Variants in RAPGEF5 observed in about 807,000 individuals in gnomAD.
The protein encoded by RAPGEF5 is M-Ras-regulated GEF.
In RAPGEF5, 65 loss-of-function variants were observed where a neutral mutation model predicts 125.2. That is an observed-to-expected ratio of 0.52 (90% CI 0.43 to 0.64). The LOEUF (loss-of-function observed/expected upper bound fraction) is 0.64. RAPGEF5 is among the 30% of genes least tolerant of loss of function. The pLI is 0.00. For missense variants in RAPGEF5, 958 were observed against 1,048.1 expected (o/e 0.91, Z 1.19); for synonymous variants, 391 against 385.9 (o/e 1.01, Z -0.16).
chr7:22,212,520 C>T (rs1438689902), intron 9 of RAPGEF5, among the ~76,000 whole-genome samples: 1 of 152,202 alleles, frequency 6.6e-6, no homozygotes, highest in East Asian at 1.9e-4. Context: ...GGCAGTCCTT[C>T]AGGAACCAAG....
At chr7:22,187,111 G>T (rs1297563605) in intron 11 of RAPGEF5, among the ~76,000 whole-genome samples, 3 of 152,170 alleles carry the variant, frequency 2.0e-5, no homozygotes, top group Admixed American at 6.5e-5. Flanking sequence ...GCAGTAACAT[G>T]AAGTTAGACC....
At chr7:22,162,728 G>T (rs192867726) in intron 12 of RAPGEF5, among the ~76,000 whole-genome samples, 187 bp from the exon 13 acceptor site, 7 of 152,336 alleles carry the variant, frequency 4.6e-5, no homozygotes, top group Admixed American at 4.6e-4. Context: ...GAAAATGACT[G>T]AAGTATACTC....
At chr7:22,258,036 T>C (rs1169505107) in intron 7 of RAPGEF5, among the ~76,000 whole-genome samples, 1 of 152,216 alleles carries the variant, frequency 6.6e-6, no homozygotes, top group Non-Finnish European at 1.5e-5. Flanking sequence ...AATTTGTCCA[T>C]GTGGAAAATC....
intron 3 of RAPGEF5, 39 bp from the exon 4 acceptor site, chr7:22,310,129 G>A: frequency 6.8e-7 from 1 of 1,462,168 alleles, no homozygotes; most frequent in Non-Finnish European, 9.0e-7. Context: ...AGATATTGCT[G>A]ACATCCGTTT....
chr7:22,347,942 A>T (rs1188386004), intron 1 of RAPGEF5, among the ~76,000 whole-genome samples: 3 of 152,228 alleles, frequency 2.0e-5, no homozygotes, highest in Non-Finnish European at 4.4e-5. Context: ...AATGATTTCC[A>T]ATTCAACACC....
Position 22,308,349 on chromosome 7 carries a change from T to C in RAPGEF5, c.670A>G (p.Ile224Val). 4 of 1,587,048 alleles carry C rather than the reference T, an allele frequency of 2.5e-6. No individual in the cohort carries two copies. The highest frequency in any genetic ancestry group is 2.3e-5 in the East Asian group (1 of 44,098). ...AGAGCATCTACTTACAGTTCACAGA[T>C]GCCACCTCTGGCAGGAATGAGAGGC... ...LVPLIPARGG[I>V]CELSHQKIED... Residue 224 changes from isoleucine (I) to valine (V), a missense_variant, in exon 5 of 26, where the codon ATC (isoleucine) becomes GTC (valine). Ile to Val is a conservative substitution (Grantham distance 29). Transcript: ENST00000665637.
At chr7:22,283,964 C>T (rs1038477120) in intron 6 of RAPGEF5, among the ~76,000 whole-genome samples, 1 of 152,078 alleles carries the variant, frequency 6.6e-6, no homozygotes, top group Non-Finnish European at 1.5e-5. Context: ...CAAAACCAAA[C>T]TCTCAGGGCT....
chr7:22,324,538 A>C (rs1172996757), intron 1 of RAPGEF5, among the ~76,000 whole-genome samples: 1 of 152,210 alleles, frequency 6.6e-6, no homozygotes, highest in Non-Finnish European at 1.5e-5. Context: ...TGATGCTTAT[A>C]AGTGAACTCC....
intron 20 of RAPGEF5, among the ~76,000 whole-genome samples, chr7:22,140,753 T>C (rs937429425): frequency 6.6e-6 from 1 of 152,174 alleles, no homozygotes; most frequent in East Asian, 1.9e-4. Context: ...GCCCAGAGAC[T>C]TAACTGGTCA....
intron 1 of RAPGEF5, among the ~76,000 whole-genome samples, chr7:22,345,318 T>C (rs1292231841): frequency 1.3e-5 from 2 of 152,166 alleles, no homozygotes; most frequent in South Asian, 2.1e-4. Flanking sequence ...ACCAGTAAGA[T>C]CTCTTTCAGC....
intron 15 of RAPGEF5, 132 bp from the exon 16 acceptor site, chr7:22,157,020 G>A (rs929029809): frequency 3.5e-6 from 5 of 1,421,586 alleles, no homozygotes; most frequent in Admixed American, 5.1e-5. Context: ...TCCAATCTTA[G>A]AGAAATAAAC....
intron 25 of RAPGEF5, among the ~76,000 whole-genome samples, chr7:22,122,989 T>A (rs1323910596): frequency 4.6e-5 from 7 of 152,196 alleles, no homozygotes; most frequent in Admixed American, 4.6e-4. Flanking sequence ...ATGAATGCAA[T>A]CACTCTTTTT....
chr7:22,349,135 C>G (rs987413320), intron 1 of RAPGEF5, among the ~76,000 whole-genome samples: 13 of 148,268 alleles, frequency 8.8e-5, no homozygotes, highest in African/African-American at 2.7e-4. Flanking sequence ...TTCCACAGAT[C>G]AGTAGGGGCC....
At chr7:22,164,188 G>A (rs1784090945) in intron 12 of RAPGEF5, among the ~76,000 whole-genome samples, 1 of 152,070 alleles carries the variant, frequency 6.6e-6, no homozygotes, top group African/African-American at 2.4e-5. Context: ...AAAATTAACT[G>A]GGTATGGTGA....
At chr7:22,253,059 G>A (rs376570811) in intron 7 of RAPGEF5, among the ~76,000 whole-genome samples, 6 of 152,112 alleles carry the variant, frequency 3.9e-5, no homozygotes, top group African/African-American at 1.4e-4. Context: ...TTGTCAGCAA[G>A]CAGGGACAGA....
intron 11 of RAPGEF5, among the ~76,000 whole-genome samples, chr7:22,179,003 T>C (rs922977412): frequency 4.6e-5 from 7 of 152,182 alleles, no homozygotes; most frequent in African/African-American, 1.7e-4. Flanking sequence ...TAGAAACTCT[T>C]GTGTTAAGAA....
chr7:22,354,960 C>T lies in RAPGEF5; in HGVS notation c.231+1870G>A, dbSNP rs190460386. Among the ~76,000 whole-genome samples the T allele has an allele frequency of 3.3e-5, 5 of 152,322 alleles. 1 individual carries two copies. Among genetic ancestry groups the T allele is most frequent in the African/African-American group, 1.2e-4 (5 of 41,554 alleles). On this transcript the variant is annotated intron_variant, in intron 1 of 25. Coordinates refer to ENST00000665637, the MANE Select transcript of RAPGEF5 (RefSeq NM_012294.5). ...TCACTTGTTTTTCTCCTTCTTTCAA[C>T]CCCCTTCCTACTCCTTTGATGGGGA...
Position 22,192,860 on chromosome 7 carries a change from G to T in RAPGEF5, c.1204+507C>A, listed in dbSNP as rs569118069. On this transcript the variant is annotated intron_variant, in intron 11 of 25. Coordinates refer to ENST00000665637, the MANE Select transcript of RAPGEF5 (RefSeq NM_012294.5). Reference sequence around the variant, plus strand: ...TGTGAGTATCATAGTCTGCACCTCGGGGCTTGTTCTGACCAGGCAGTTTGT... The same window carrying T: ...TGTGAGTATCATAGTCTGCACCTCGTGGCTTGTTCTGACCAGGCAGTTTGT... 1.7e-4 allele frequency: 28 copies of T among 164,382 alleles called. No individual in the cohort carries two copies. The South Asian group carries it at 4.6e-3, about 27-fold the overall frequency. The allele number at this position is 164,382 out of a possible 1,614,324, so 10.2% of individuals were successfully genotyped here.
intron 1 of RAPGEF5, among the ~76,000 whole-genome samples, chr7:22,327,084 A>G (rs1490833354): frequency 2.0e-5 from 3 of 152,344 alleles, no homozygotes; most frequent in Non-Finnish European, 2.9e-5. Context: ...GGAATTTTCA[A>G]TCTATAAATA....
Sources: gnomAD v4.1 joint callset for allele counts (sites outside exome capture counted in the v4.1 genomes callset) on GRCh38, gnomAD v4.1.1 for gene constraint, MANE v1.5 for transcripts, NCBI Gene and HGNC (gene_info 2026-07-23, HGNC 2026-07-21) for gene names.